Variants in NPAS3 observed in about 807,000 individuals in gnomAD.
NPAS3 encodes the protein neuronal PAS domain-containing protein 3.
In NPAS3, 14 loss-of-function variants were observed where a neutral mutation model predicts 73.1. The observed-to-expected ratio is 0.19, with a 90% confidence interval of 0.13 to 0.30. The LOEUF is 0.30. Among genes scored for constraint, NPAS3 ranks in the 10% least tolerant of loss-of-function variants. NPAS3 has a pLI of 1.00. For missense variants in NPAS3, 1,096 were observed against 1,250.0 expected, an observed-to-expected ratio of 0.88 and a Z score of 1.86; for synonymous variants, 620 against 541.5, an observed-to-expected ratio of 1.14 and a Z score of -2.01.
At chr14:33,645,102 A>C (rs1181931127) in intron 5 of NPAS3, among the ~76,000 whole-genome samples, 2 of 151,812 alleles carry the variant, frequency 1.3e-5, no homozygotes, top group Non-Finnish European at 2.9e-5. Flanking sequence ...AAAAAGAAAG[A>C]AAGAAAAAAG....
rs1023570922 is a variant in NPAS3, at chr14:33,728,681, C to T, written c.734-6533C>T. 3.1e-4 allele frequency among the ~76,000 whole-genome samples: 47 copies of T among 152,138 alleles called. 1 individual carries two copies. Among genetic ancestry groups the T allele is most frequent in the Admixed American group, 3.1e-3 (47 of 15,264 alleles). On this transcript the variant is annotated intron_variant, in intron 6 of 11. Coordinates refer to ENST00000356141, the Ensembl canonical transcript of NPAS3. The stretch of plus-strand genomic sequence containing the variant: ...AAGCCGTTACCCGCTTCAGAATTGC[C>T]CTGGCACATGGTAGAAGACAGGCCA...
intron 1 of NPAS3, among the ~76,000 whole-genome samples, chr14:32,946,348 G>GCACGCACACA (rs1555374429): frequency 7.2e-6 from 1 of 139,314 alleles, no homozygotes; most frequent in Non-Finnish European, 1.5e-5. Context: ...ACACACACGC[G>GCACGCACACA]CACACACACA....
chr14:33,544,474 T>TAGGGTTTGTGGTCTTA (rs1177209989), intron 4 of NPAS3, among the ~76,000 whole-genome samples: 1 of 151,894 alleles, frequency 6.6e-6, no homozygotes, highest in Non-Finnish European at 1.5e-5. Context: ...CTTGATCCAG[T>TAGGGTTTGTGGTCTTA]AGGGTTTGTG....
chr14:33,080,070 C>T (rs886607102), intron 2 of NPAS3, among the ~76,000 whole-genome samples: 1 of 152,056 alleles, frequency 6.6e-6, no homozygotes, highest in Non-Finnish European at 1.5e-5. Context: ...AATATCAGCA[C>T]TTTTGAATGG....
At chr14:33,304,462 C>T (rs1256198760) in intron 3 of NPAS3, among the ~76,000 whole-genome samples, 1 of 151,516 alleles carries the variant, frequency 6.6e-6, no homozygotes, top group African/African-American at 2.4e-5. Context: ...CATGCTGAAA[C>T]AGTAGGGTGT....
At chr14:33,075,377 T>A (rs775383849) in intron 2 of NPAS3, among the ~76,000 whole-genome samples, 2 of 152,248 alleles carry the variant, frequency 1.3e-5, no homozygotes, top group Non-Finnish European at 2.9e-5. Context: ...ACGTTTCAGT[T>A]ATTTTTGCAA....
intron 6 of NPAS3, among the ~76,000 whole-genome samples, chr14:33,687,344 A>T (rs1333192260): frequency 6.6e-6 from 1 of 152,234 alleles, no homozygotes; most frequent in African/African-American, 2.4e-5. Flanking sequence ...TTTACATTTT[A>T]TTCAAGTATA....
chr14:33,197,251 G>GTGTGTGTGTGTT (rs1471794214), intron 2 of NPAS3, among the ~76,000 whole-genome samples: 3 of 147,974 alleles, frequency 2.0e-5, no homozygotes, highest in African/African-American at 7.4e-5. Flanking sequence ...GTGTGTGTGT[G>GTGTGTGTGTGTT]TGTGTGTGTG....
At chr14:33,197,237 C>CTGTGTGTGTG (rs11268151) in intron 2 of NPAS3, among the ~76,000 whole-genome samples, 22,011 of 135,068 alleles carry the variant, frequency 0.16, 1,917 homozygotes, top group Non-Finnish European at 0.21. Flanking sequence ...CTCCAGCAGG[C>CTGTGTGTGTG]TGTGTGTGTG....
At chr14:33,293,834 G>A (rs1251462810) in intron 3 of NPAS3, among the ~76,000 whole-genome samples, 1 of 152,200 alleles carries the variant, frequency 6.6e-6, no homozygotes, top group Non-Finnish European at 1.5e-5. Context: ...TAATTAGCCA[G>A]AGTATTAAGG....
intron 4 of NPAS3, among the ~76,000 whole-genome samples, chr14:33,402,273 A>C (rs2047478990): frequency 6.6e-6 from 1 of 152,110 alleles, no homozygotes; most frequent in Non-Finnish European, 1.5e-5. Flanking sequence ...AATTAATCTG[A>C]AAAATCCCAT....
chr14:32,958,829 A>G (rs1410045413), intron 1 of NPAS3, among the ~76,000 whole-genome samples: 1 of 152,204 alleles, frequency 6.6e-6, no homozygotes, highest in Non-Finnish European at 1.5e-5. Context: ...AACACACTAA[A>G]CTTTAGAAAA....
chr14:33,134,568 T>C (rs1213783863), intron 2 of NPAS3, among the ~76,000 whole-genome samples: 1 of 152,208 alleles, frequency 6.6e-6, no homozygotes, highest in Non-Finnish European at 1.5e-5. Flanking sequence ...ATTTTCCATT[T>C]TATCCAGCCA....
intron 4 of NPAS3, among the ~76,000 whole-genome samples, chr14:33,389,147 A>G (rs929504822): frequency 6.6e-6 from 1 of 152,198 alleles, no homozygotes; most frequent in African/African-American, 2.4e-5. Flanking sequence ...AAGACTTTCT[A>G]AGGAGGTAAA....
chr14:33,270,732 G>A (rs745466480), intron 3 of NPAS3, among the ~76,000 whole-genome samples: 65 of 152,118 alleles, frequency 4.3e-4, no homozygotes, highest in Non-Finnish European at 8.8e-4. Context: ...ATAACTTTGT[G>A]GCTTTAGCCT....
At chr14:33,059,035 C>G (rs953133401) in intron 2 of NPAS3, among the ~76,000 whole-genome samples, 1 of 152,194 alleles carries the variant, frequency 6.6e-6, no homozygotes, top group African/African-American at 2.4e-5. Context: ...GTATGCACCT[C>G]TTTCTCACTT....
At chr14:33,340,924 T>G (rs1361409491) in intron 3 of NPAS3, among the ~76,000 whole-genome samples, 1 of 152,316 alleles carries the variant, frequency 6.6e-6, no homozygotes, top group East Asian at 1.9e-4. Context: ...ACCATACCAC[T>G]GTCACCTTAT....
intron 4 of NPAS3, among the ~76,000 whole-genome samples, chr14:33,491,081 CAT>C: frequency 6.6e-6 from 1 of 152,252 alleles, no homozygotes; most frequent in East Asian, 1.9e-4. Flanking sequence ...AAATTTGAAA[CAT>C]AAACAATTTA....
intron 4 of NPAS3, among the ~76,000 whole-genome samples, chr14:33,408,337 A>C (rs1652496306): frequency 6.6e-6 from 1 of 152,184 alleles, no homozygotes; most frequent in South Asian, 2.1e-4. Context: ...AGGTGGGTTG[A>C]GTATTTCATC....
Sources: gnomAD v4.1 joint callset for allele counts (sites outside exome capture counted in the v4.1 genomes callset) on GRCh38, gnomAD v4.1.1 for gene constraint, MANE v1.5 for transcripts, NCBI Gene and HGNC (gene_info 2026-07-23, HGNC 2026-07-21) for gene names.